The following ASPSCR1 variants were observed in gnomAD, a reference collection of about 807,000 sequenced individuals.
ASPSCR1 encodes tether containing UBX domain for GLUT4.
ASPSCR1 carries 55 observed loss-of-function variants against 68.9 expected under a neutral mutation model. The ratio of observed to expected loss-of-function variants is 0.80; its 90% confidence interval spans 0.64 to 1.00. The LOEUF is 1.00. Among genes scored for constraint, ASPSCR1 ranks in the 50% least tolerant of loss-of-function variants. The probability of loss-of-function intolerance (pLI) is 0.00; values close to 1 mark genes in which losing one functional copy is unlikely to be tolerated. For synonymous variants in ASPSCR1, 352 were observed against 332.6 expected (o/e 1.06, Z -0.63); for missense variants, 765 against 762.2 (o/e 1.00, Z -0.04).
At chr17:82,015,780 C>T (rs933067890) in intron 12 of ASPSCR1, 5 of 218,016 alleles carry the variant, frequency 2.3e-5, no homozygotes, top group Admixed American at 2.1e-4. Flanking sequence ...CCCGTGCCCC[C>T]TTCCTGGCTC....
At position 81,986,230 on chromosome 17, in the gene ASPSCR1, C is replaced by T. The variant is rs1308761621; in HGVS notation, c.374+623C>T. Reference sequence around the variant, plus strand: ...CTTGAGCTCATGAGTTCAAGACTAGCCTCGGCAACATAGTGAAACCCCTTC... The same window carrying T: ...CTTGAGCTCATGAGTTCAAGACTAGTCTCGGCAACATAGTGAAACCCCTTC... On this transcript the variant is annotated intron_variant, in intron 4 of 15. Coordinates refer to ENST00000306739, the MANE Select transcript of ASPSCR1 (RefSeq NM_024083.4). This position sits in a 1 kb window ranked among gnomAD's most constrained non-coding sequence, Gnocchi z 5.2. 6.6e-6 allele frequency among the ~76,000 whole-genome samples: 1 copy of T among 152,076 alleles called. No individual in the cohort carries two copies. Among genetic ancestry groups the T allele is most frequent in the Non-Finnish European group, 1.5e-5 (1 of 68,020 alleles).
intron 13 of ASPSCR1, 135 bp downstream of exon 13, chr17:82,016,662 C>G: frequency 1.4e-6 from 2 of 1,442,882 alleles, no homozygotes; most frequent in Non-Finnish European, 1.9e-6. Flanking sequence ...CCCCAGTAAC[C>G]ACCTCCCCGA....
chr17:82,016,974 A>G lies in ASPSCR1; in HGVS notation c.1509A>G (p.Pro503=). 6.2e-7 allele frequency: 1 copy of G among 1,611,742 alleles called. No homozygotes were observed. Among genetic ancestry groups the G allele is most frequent in the South Asian group, 1.1e-5 (1 of 91,028 alleles). The change falls in exon 15 of 16, where the codon CCA becomes CCG. Residue 503 remains proline, a synonymous_variant. Coordinates refer to ENST00000306739, the MANE Select transcript of ASPSCR1 (RefSeq NM_024083.4). ...CCAGGGCCGCCGGGTCCCCTTCCCC[A>G]TTGCCAGCCCCTGACCCTGCACCTA... ...YMSRAAGSPS[P]LPAPDPAPKS...
chr17:81,999,519 C>T lies in ASPSCR1; in HGVS notation c.933+2673C>T, dbSNP rs560077755. Among the ~76,000 whole-genome samples the T allele has an allele frequency of 6.6e-6, 1 of 151,486 alleles. No individual in the cohort carries two copies. The highest frequency in any genetic ancestry group is 2.1e-4 in the South Asian group (1 of 4,782). On this transcript the variant is annotated intron_variant, in intron 7 of 15. Transcript: ENST00000306739. The surrounding 1 kb of genome is among the most constrained non-coding windows in gnomAD (Gnocchi z 4.4). ...GCAGGTGCCTGTAATCCCAGCTACT[C>T]GGGAGACTGAGGCAGGAGAATCTCT...
intron 5 of ASPSCR1, 93 bp from the exon 6 acceptor site, chr17:81,995,899 C>A: frequency 7.9e-7 from 1 of 1,259,694 alleles, no homozygotes; most frequent in Non-Finnish European, 1.1e-6. Flanking sequence ...GGGCACGTGG[C>A]CTGTGGTCCT....
In ASPSCR1 at chr17:81,979,905, C is replaced by T. The variant is rs138477498; in HGVS notation, c.158+666C>T. ...CTGAGACAGCAGAAGGGTCAGAGCCCTCATATGGATAGGATGTGCGTGTCT... is the reference window on the plus strand; with the variant it reads ...CTGAGACAGCAGAAGGGTCAGAGCCTTCATATGGATAGGATGTGCGTGTCT... On this transcript the variant is annotated intron_variant, in intron 2 of 15. Transcript: ENST00000306739. Among the ~76,000 whole-genome samples the T allele has an allele frequency of 8.2e-3, 1,246 of 152,340 alleles. 14 individuals carry two copies. The highest frequency in any genetic ancestry group is 0.011 in the Non-Finnish European group (765 of 68,038).
chr17:82,010,032 C>T (rs2042868027), intron 9 of ASPSCR1: 1 of 339,770 alleles, frequency 2.9e-6, no homozygotes, highest in South Asian at 2.0e-5. Flanking sequence ...GCCTCAGCCT[C>T]CCAAGTAGCT....
chr17:81,996,104 C>G (rs1424816740), intron 6 of ASPSCR1, 39 bp downstream of exon 6: 65 of 1,535,938 alleles, frequency 4.2e-5, no homozygotes, highest in Non-Finnish European at 5.6e-5. Flanking sequence ...GTCTATTTAG[C>G]TAAAAAAAAA....
intron 12 of ASPSCR1, chr17:82,014,025 G>A (rs2144101815): frequency 6.6e-6 from 1 of 152,346 alleles, no homozygotes; most frequent in East Asian, 1.9e-4. Context: ...ATTGGCTTTG[G>A]CAGGGCAAGC....
At chr17:81,996,121 C>T in intron 6 of ASPSCR1, 56 bp downstream of exon 6, 1 of 1,509,332 alleles carries the variant, frequency 6.6e-7, no homozygotes, top group Non-Finnish European at 8.9e-7. Context: ...AAAAAGTGGT[C>T]TCAAAGGAAA....
rs2041857415 is a variant in ASPSCR1, at chr17:81,983,367, A to G, written c.159-187A>G. On this transcript the variant is annotated intron_variant, in intron 2 of 15. Coordinates refer to ENST00000306739, the MANE Select transcript of ASPSCR1 (RefSeq NM_024083.4). The surrounding 1 kb of genome is among the most constrained non-coding windows in gnomAD (Gnocchi z 4.4). ...CTCCCTTCTGCTTGCAGGAGGCCCC[A>G]TATGATCGGGGACCCGCCTTGTGCC... 6.6e-6 allele frequency among the ~76,000 whole-genome samples: 1 copy of G among 151,856 alleles called. No homozygotes were observed.
At chr17:82,015,180 G>T (rs370150951) in intron 12 of ASPSCR1, 55 of 1,598,146 alleles carry the variant, frequency 3.4e-5, no homozygotes, top group Non-Finnish European at 4.6e-5. Flanking sequence ...AGATGGAGGC[G>T]ACGTGGACTC....
At position 81,999,178 on chromosome 17, in the gene ASPSCR1, G is replaced by A. The variant is rs968232119; in HGVS notation, c.933+2332G>A. 6.6e-6 allele frequency among the ~76,000 whole-genome samples: 1 copy of A among 152,218 alleles called. No homozygotes were observed. Among genetic ancestry groups the A allele is most frequent in the Admixed American group, 6.5e-5 (1 of 15,284 alleles). On this transcript the variant is annotated intron_variant, in intron 7 of 15. Coordinates refer to ENST00000306739, the MANE Select transcript of ASPSCR1 (RefSeq NM_024083.4). This position sits in a 1 kb window ranked among gnomAD's most constrained non-coding sequence, Gnocchi z 4.4. ...CATGCGGCTTTCGGTGACAGGGATGGGAGGAGGCTGTTTCCCAGCCCCTGT... is the reference window on the plus strand; with the variant it reads ...CATGCGGCTTTCGGTGACAGGGATGAGAGGAGGCTGTTTCCCAGCCCCTGT...
chr17:82,005,965 G>C (rs2042700056), intron 7 of ASPSCR1: 2 of 152,372 alleles, frequency 1.3e-5, no homozygotes, highest in Admixed American at 1.3e-4. Flanking sequence ...TGGGACAAGA[G>C]TCCTTCTCTC....
At chr17:82,009,252 T>C in intron 8 of ASPSCR1, 61 bp downstream of exon 8, 2 of 1,513,996 alleles carry the variant, frequency 1.3e-6, no homozygotes, top group Non-Finnish European at 8.9e-7. Flanking sequence ...ATCGGGTGCT[T>C]GTGCTGCCCG....
chr17:82,015,345 G>C, intron 12 of ASPSCR1: 1 of 1,597,692 alleles, frequency 6.3e-7, no homozygotes, highest in Non-Finnish European at 8.5e-7. Context: ...CAAGCACGTG[G>C]GGACAGGCCG....
At chr17:82,003,154 A>G (rs2042593341) in intron 7 of ASPSCR1, among the ~76,000 whole-genome samples, 1 of 152,200 alleles carries the variant, frequency 6.6e-6, no homozygotes, top group Non-Finnish European at 1.5e-5. Context: ...AGCCTAAAAT[A>G]ACTTTTCTTG....
intron 5 of ASPSCR1, chr17:81,995,369 C>G (rs2042302612): frequency 4.0e-6 from 1 of 247,760 alleles, no homozygotes; most frequent in African/African-American, 2.3e-5. Flanking sequence ...CTGGCTGGGG[C>G]TGTGACGGGG....
rs774894770 is a variant in ASPSCR1 at position 82,015,061 on chromosome 17, C to T, written c.1354-1415C>T. 5.6e-6 allele frequency: 9 copies of T among 1,593,518 alleles called. No individual in the cohort carries two copies. The African/African-American group carries it at 1.2e-4, about 21-fold the overall frequency. ...CTGGCTGGGGGGACGGTGTGACCCA[C>T]TTTCCCTTTCCAGCCCCAGCTTGGT... is the stretch of plus-strand genomic sequence containing the variant. On this transcript the variant is annotated intron_variant, in intron 12 of 15. Coordinates refer to ENST00000306739, the MANE Select transcript of ASPSCR1 (RefSeq NM_024083.4).
Sources: gnomAD v4.1 joint callset for allele counts (sites outside exome capture counted in the v4.1 genomes callset) on GRCh38, gnomAD v4.1.1 for gene constraint, Gnocchi (gnomAD v3.1) non-coding constraint, MANE v1.5 for transcripts, NCBI Gene and HGNC (gene_info 2026-07-23, HGNC 2026-07-21) for gene names.